The following AKT1 variants were observed in gnomAD, a reference collection of about 807,000 sequenced individuals.
AKT1 encodes AKT serine/threonine kinase 1.
Under a neutral mutation model 63.1 loss-of-function variants are expected in AKT1, and 21 were observed. That is an observed-to-expected ratio of 0.33 (90% CI 0.24 to 0.48). The LOEUF (loss-of-function observed/expected upper bound fraction) is 0.48. AKT1 is among the 20% of genes least tolerant of loss of function. The pLI is 0.99. For missense variants in AKT1, 382 were observed against 666.0 expected (o/e 0.57, Z 4.69); for synonymous variants, 257 against 253.1 (o/e 1.02, Z -0.15).
rs376531915 is a variant in AKT1 at position 104,773,945 on chromosome 14, G to C, written c.669C>G (p.Leu223=). 3.7e-6 allele frequency: 6 copies of C among 1,612,732 alleles called. No individual in the cohort carries two copies. The highest frequency in any genetic ancestry group is 5.1e-6 in the Non-Finnish European group (6 of 1,179,352). ...LKYSFQTHDR[L]CFVMEYANGG... is the part of the protein sequence containing the mutation. ...CGTTGGCGTACTCCATGACAAAGCAGAGGCGGTCGTGGGTCTGGAAAGAGT... is the reference window on the plus strand; with the variant it reads ...CGTTGGCGTACTCCATGACAAAGCACAGGCGGTCGTGGGTCTGGAAAGAGT... Residue 223 remains leucine (L), a synonymous_variant, in exon 9 of 15, where the codon CTC becomes CTG. Transcript: ENST00000649815.
chr14:104,777,450 C>T, intron 4 of AKT1: 3 of 762,034 alleles, frequency 3.9e-6, no homozygotes, highest in Non-Finnish European at 4.8e-6. Context: ...CTGGAATACA[C>T]AGACATCTAG....
rs867073532 is a variant in AKT1 at position 104,777,303 on chromosome 14, G to C, written c.176-533C>G. 774 of 121,482 alleles carry C rather than the reference G, an allele frequency of 6.4e-3. 3 individuals are homozygous for C. Among genetic ancestry groups the C allele is most frequent in the Non-Finnish European group, 6.4e-3 (403 of 63,316 alleles). The allele number at this position is 121,482 out of a possible 1,614,324, so 7.5% of individuals were successfully genotyped here. On this transcript the variant is annotated intron_variant, in intron 4 of 14. Transcript: ENST00000649815. ...GGGCACAGCCACACCTGGGGCACAG[G>C]CACACCTGGGGCACAGCCACACCTG...
At chr14:104,772,603 T>G in intron 12 of AKT1, 151 bp from the exon 13 acceptor site, 2 of 816,328 alleles carry the variant, frequency 2.4e-6, no homozygotes, top group East Asian at 5.3e-5. Context: ...TGAGCAGCTG[T>G]GGGTAGCAAA....
At chr14:104,776,125 C>A (rs533902720) in intron 5 of AKT1, 4 of 291,686 alleles carry the variant, frequency 1.4e-5, no homozygotes, top group Middle Eastern at 1.0e-3. Flanking sequence ...ACTCCGCCCC[C>A]CAAGGAGGAC....
intron 5 of AKT1, 189 bp from the exon 6 acceptor site, chr14:104,775,988 T>TG: frequency 3.1e-6 from 2 of 638,836 alleles, no homozygotes; most frequent in Non-Finnish European, 5.2e-6. Context: ...CTCTTGGACG[T>TG]GGGGGACACC....
chr14:104,789,251 A>G lies in AKT1; in HGVS notation c.46+3347T>C, dbSNP rs371043336. On this transcript the variant is annotated intron_variant, in intron 3 of 14. Coordinates refer to ENST00000649815, the MANE Select transcript of AKT1 (RefSeq NM_001382430.1). ...CATCCTGGGTCCCAGCATCCCGGCCACCCGCCTCGGCCCTCTCCTGACCCA... is the reference window on the plus strand; with the variant it reads ...CATCCTGGGTCCCAGCATCCCGGCCGCCCGCCTCGGCCCTCTCCTGACCCA... 3.8e-3 allele frequency among the ~76,000 whole-genome samples: 573 copies of G among 152,212 alleles called. 5 individuals are homozygous for G. The highest frequency in any genetic ancestry group is 0.013 in the African/African-American group (553 of 41,542).
In AKT1 at chr14:104,770,298, C is replaced by T; in HGVS notation, c.*43G>A. On this transcript the variant is annotated 3_prime_UTR_variant, in exon 15 of 15. Coordinates refer to ENST00000649815, the MANE Select transcript of AKT1 (RefSeq NM_001382430.1). ...TACAGATCATGGCACGAGGCCGCCT[C>T]TCCATCCCTCCAAGCTATCGTCCAG... is the stretch of plus-strand genomic sequence containing the variant. 6.3e-7 allele frequency: 1 copy of T among 1,579,540 alleles called. No homozygotes were observed. The highest frequency in any genetic ancestry group is 8.6e-7 in the Non-Finnish European group (1 of 1,163,874).
chr14:104,772,153 G>C (rs1346354905), intron 13 of AKT1: 1 of 608,162 alleles, frequency 1.6e-6, no homozygotes, highest in African/African-American at 1.8e-5. Flanking sequence ...ATGAGGACCA[G>C]GCCAGTTTCC....
At chr14:104,780,800 C>T (rs1288650384) in intron 3 of AKT1, among the ~76,000 whole-genome samples, 4 of 149,274 alleles carry the variant, frequency 2.7e-5, no homozygotes, top group Non-Finnish European at 4.4e-5. Flanking sequence ...GAGGGCCGGG[C>T]TCGCGGGACA....
At chr14:104,774,485 A>T in intron 8 of AKT1, 1 of 226,544 alleles carries the variant, frequency 4.4e-6, no homozygotes, top group Non-Finnish European at 8.8e-6. Context: ...TTTAAAGCAA[A>T]GGCCCCATCT....
At chr14:104,773,181 G>A in intron 11 of AKT1, 70 bp downstream of exon 11, 1 of 1,611,026 alleles carries the variant, frequency 6.2e-7, no homozygotes, top group South Asian at 1.1e-5. Flanking sequence ...GGCACAGAGA[G>A]GACACAGCAT....
chr14:104,774,024 G>A (rs375816649), intron 8 of AKT1, 44 bp from the exon 9 acceptor site: 29 of 1,582,664 alleles, frequency 1.8e-5, no homozygotes, highest in South Asian at 3.4e-5. Context: ...CAGGCAGGAC[G>A]GCAGCCCCGC....
intron 9 of AKT1, 51 bp from the exon 10 acceptor site, chr14:104,773,631 A>G (rs536885193): frequency 1.3e-6 from 2 of 1,566,198 alleles, no homozygotes; most frequent in Non-Finnish European, 8.7e-7. Context: ...CTCTGCCCCC[A>G]TGGCCTGCAG....
rs529203460 is a variant in AKT1 at position 104,780,229 on chromosome 14, G to A, written c.47-13C>T. 2.9e-5 allele frequency: 47 copies of A among 1,612,334 alleles called. No individual in the cohort carries two copies. The highest frequency in any genetic ancestry group is 1.7e-4 in the Admixed American group (10 of 59,932). ...TTGATGTACTCCCCTACAGACGTGC[G>A]GGTGGTGAGAGCCACGCACACTCTA... On this transcript the variant is annotated splice_polypyrimidine_tract_variant and intron_variant, in intron 3 of 14. Coordinates refer to ENST00000649815, the MANE Select transcript of AKT1 (RefSeq NM_001382430.1).
intron 3 of AKT1, among the ~76,000 whole-genome samples, chr14:104,789,208 C>G (rs955163228): frequency 6.6e-6 from 1 of 152,222 alleles, no homozygotes; most frequent in Non-Finnish European, 1.5e-5. Flanking sequence ...AGCCCTTTCT[C>G]GAGAGCCCAG....
chr14:104,780,513 G>T (rs1487375280), intron 3 of AKT1, among the ~76,000 whole-genome samples: 1 of 152,176 alleles, frequency 6.6e-6, no homozygotes, highest in Non-Finnish European at 1.5e-5. Context: ...AGGAGGCTGG[G>T]AAGAGGTCTG....
intron 4 of AKT1, 70 bp downstream of exon 4, chr14:104,780,018 G>T: frequency 6.3e-7 from 1 of 1,577,528 alleles, no homozygotes; most frequent in Non-Finnish European, 8.6e-7. Context: ...CCATCGTGGG[G>T]CCTGGTGGGC....
At chr14:104,775,833 CCAGAT>C (rs1319233545) in intron 5 of AKT1, 34 bp from the exon 6 acceptor site, 2 of 1,607,090 alleles carry the variant, frequency 1.2e-6, no homozygotes, top group East Asian at 4.5e-5. Flanking sequence ...CAGGCCTGTA[CCAGAT>C]CAGGAGCTCC....
chr14:104,791,388 G>T (rs1009878254), intron 3 of AKT1, among the ~76,000 whole-genome samples: 1 of 151,950 alleles, frequency 6.6e-6, no homozygotes, highest in East Asian at 1.9e-4. Flanking sequence ...GATGCGGCAG[G>T]AGGCCTTGGG....
Sources: gnomAD v4.1 joint callset for allele counts (sites outside exome capture counted in the v4.1 genomes callset) on GRCh38, gnomAD v4.1.1 for gene constraint, MANE v1.5 for transcripts, NCBI Gene and HGNC (gene_info 2026-07-23, HGNC 2026-07-21) for gene names.